Variants in A1CF observed in about 807,000 individuals in gnomAD.
The protein encoded by A1CF is APOBEC1 complementation factor.
Under a neutral mutation model 68.9 loss-of-function variants are expected in A1CF, and 48 were observed. That is an observed-to-expected ratio of 0.70 (90% CI 0.55 to 0.89). A1CF has a LOEUF of 0.89. Among genes scored for constraint, A1CF ranks in the 40% least tolerant of loss-of-function variants. A1CF has a pLI of 0.00. For missense variants in A1CF, 653 were observed against 718.9 expected (o/e 0.91, Z 1.05); for synonymous variants, 272 against 260.4 (o/e 1.04, Z -0.43).
In A1CF at chr10:50,841,837, T is replaced by G. The variant is rs201525424; in HGVS notation, c.365+25A>C. 1.9e-5 allele frequency: 30 copies of G among 1,610,704 alleles called. No homozygotes were observed. The African/African-American group carries it at 3.7e-4, about 20-fold the overall frequency. ...CACAGGTGCATTGTTTGTTTCACTT[T>G]TAATCTAGAAGAGGCGGAGCTTACC... On this transcript the variant is annotated intron_variant, in intron 5 of 12. Coordinates refer to ENST00000373997, the MANE Select transcript of A1CF (RefSeq NM_014576.4).
intron 1 of A1CF, among the ~76,000 whole-genome samples, chr10:50,883,924 A>G (rs1171416633): frequency 6.6e-6 from 1 of 152,212 alleles, no homozygotes; most frequent in Non-Finnish European, 1.5e-5. Context: ...ATAAACTGTT[A>G]TAATAGTATC....
chr10:50,880,799 C>G (rs1841733879), intron 1 of A1CF, among the ~76,000 whole-genome samples: 1 of 152,190 alleles, frequency 6.6e-6, no homozygotes, highest in African/African-American at 2.4e-5. Context: ...TTTTGCCAGT[C>G]CCCTGCCAGG....
In A1CF at chr10:50,844,059, C is replaced by T; in HGVS notation, c.163G>A (p.Gly55Ser). The change falls in exon 4 of 13, where the codon GGC becomes AGC. Residue 55 changes from glycine to serine, a missense_variant. Coordinates refer to ENST00000373997, the MANE Select transcript of A1CF (RefSeq NM_014576.4). ...PGWDAAPPER[G>S]CEIFIGKLPR... ...AGTTTTCCAATAAAAATTTCACAGC[C>T]CCTTTCAGGGGGTGCAGCATCCCAA... is the stretch of plus-strand genomic sequence containing the variant. 1 of 1,613,822 alleles carries T rather than the reference C, an allele frequency of 6.2e-7. No homozygotes were observed. Among genetic ancestry groups the T allele is most frequent in the Non-Finnish European group, 8.5e-7 (1 of 1,179,850 alleles).
Position 50,832,606 on chromosome 10 carries a change from T to G in A1CF, c.604+3468A>C, listed in dbSNP as rs541679764. Among the ~76,000 whole-genome samples the G allele has an allele frequency of 2.0e-5, 3 of 152,300 alleles. No homozygotes were observed. In the East Asian group the frequency reaches 5.8e-4, roughly 29 times the overall value. On this transcript the variant is annotated intron_variant, in intron 6 of 12. Coordinates refer to ENST00000373997, the MANE Select transcript of A1CF (RefSeq NM_014576.4). The stretch of plus-strand genomic sequence containing the variant: ...GTGAAAGTGAGTGTTACAGAGTGAT[T>G]TGAGAGCATGAGCTAGAAGTAAGAC...
At chr10:50,849,854 C>T (rs920849965) in intron 3 of A1CF, among the ~76,000 whole-genome samples, 54 of 122,074 alleles carry the variant, frequency 4.4e-4, no homozygotes, top group African/African-American at 1.4e-3. Context: ...AGTGCAGTGG[C>T]GCAATCTCAG....
chr10:50,856,171 G>A (rs557741512), intron 3 of A1CF, among the ~76,000 whole-genome samples: 8 of 152,098 alleles, frequency 5.3e-5, no homozygotes, highest in Non-Finnish European at 1.0e-4. Context: ...AAATAGTTGG[G>A]TATTGCGTAC....
chr10:50,805,193 C>G lies in A1CF; in HGVS notation c.*1536G>C, dbSNP rs1191407473. On this transcript the variant is annotated 3_prime_UTR_variant, in exon 13 of 13. Coordinates refer to ENST00000373997, the MANE Select transcript of A1CF (RefSeq NM_014576.4). ...TCACAGAATTCCATTAAGGAGTTGACAAAATTTTCCATGTCTTTGTGTTTA... is the reference window on the plus strand; with the variant it reads ...TCACAGAATTCCATTAAGGAGTTGAGAAAATTTTCCATGTCTTTGTGTTTA... The G allele has an allele frequency of 3.3e-5, 5 of 152,202 alleles. No individual in the cohort carries two copies. In the South Asian group the frequency reaches 1.0e-3, roughly 32 times the overall value. The allele number at this position is 152,202 out of a possible 1,614,324, so 9.4% of individuals were successfully genotyped here.
chr10:50,841,500 C>T lies in A1CF; in HGVS notation c.365+362G>A, dbSNP rs1371332870. On this transcript the variant is annotated intron_variant, in intron 5 of 12. Transcript: ENST00000373997. ...TAGCCACCTTCTCACACAACTTTATCCCATCCCTGGTTTGATTTTTTCATA... is the reference window on the plus strand; with the variant it reads ...TAGCCACCTTCTCACACAACTTTATTCCATCCCTGGTTTGATTTTTTCATA... Among the ~76,000 whole-genome samples the T allele has an allele frequency of 2.6e-5, 4 of 152,162 alleles. No homozygotes were observed. In the East Asian group the frequency reaches 7.7e-4, roughly 29 times the overall value.
In A1CF at chr10:50,831,589, G is replaced by A. The variant is rs187852959; in HGVS notation, c.605-3294C>T. On this transcript the variant is annotated intron_variant, in intron 6 of 12. Coordinates refer to ENST00000373997, the MANE Select transcript of A1CF (RefSeq NM_014576.4). ...ACTAAAAATACAAAGTTAGCCAGGC[G>A]TGGTGGCACATGCCTGTAATCCCAG... Among the ~76,000 whole-genome samples the A allele has an allele frequency of 4.1e-3, 618 of 152,176 alleles. 2 individuals carry two copies. Among genetic ancestry groups the A allele is most frequent in the African/African-American group, 0.012 (514 of 41,540 alleles).
rs1412144060 is a variant in A1CF at position 50,803,142 on chromosome 10, G to T, written c.*3587C>A. ...CTTGCTCTGTCACCCAGGCTGGAGT[G>T]CAGCGATGTGAACATGGCTCACTGC... is the stretch of plus-strand genomic sequence containing the variant. On this transcript the variant is annotated 3_prime_UTR_variant, in exon 13 of 13. Transcript: ENST00000373997. 1 of 152,282 alleles carries T rather than the reference G, an allele frequency of 6.6e-6. No individual in the cohort carries two copies. Among genetic ancestry groups the T allele is most frequent in the Admixed American group, 6.5e-5 (1 of 15,284 alleles). 9.4% of individuals were successfully genotyped at this position (152,282 alleles called of 1,614,324 possible).
intron 10 of A1CF, among the ~76,000 whole-genome samples, chr10:50,812,811 A>G (rs1412375278): frequency 6.6e-6 from 1 of 152,244 alleles, no homozygotes; most frequent in Non-Finnish European, 1.5e-5. Flanking sequence ...TACATGGTGC[A>G]TAAGAGAAGT....
At chr10:50,839,307 G>A (rs1003784381) in intron 5 of A1CF, among the ~76,000 whole-genome samples, 21 of 152,096 alleles carry the variant, frequency 1.4e-4, no homozygotes, top group African/African-American at 4.1e-4. Flanking sequence ...CTCAAATACC[G>A]TTTTGGGAAT....
chr10:50,871,767 G>A (rs1449386279), intron 1 of A1CF, among the ~76,000 whole-genome samples: 1 of 152,064 alleles, frequency 6.6e-6, no homozygotes. Context: ...TAACATGCCA[G>A]CATTCTAAAT....
intron 3 of A1CF, among the ~76,000 whole-genome samples, chr10:50,853,811 A>G (rs1313783290): frequency 6.9e-6 from 1 of 145,124 alleles, no homozygotes; most frequent in Non-Finnish European, 1.5e-5. Flanking sequence ...TTTAAAAAAA[A>G]TGCTTAAAAT....
intron 5 of A1CF, among the ~76,000 whole-genome samples, chr10:50,836,889 A>G (rs1339088804): frequency 1.3e-5 from 2 of 151,762 alleles, no homozygotes; most frequent in Non-Finnish European, 2.9e-5. Context: ...TCATGGCTGC[A>G]TAGCATCTGC....
intron 1 of A1CF, among the ~76,000 whole-genome samples, chr10:50,879,586 C>T (rs79245743): frequency 0.013 from 1,968 of 152,248 alleles, 36 homozygotes; most frequent in Middle Eastern, 0.02. Flanking sequence ...CTTAGGCCTT[C>T]TTATGTGACA....
chr10:50,846,904 T>C (rs1352831579), intron 3 of A1CF, among the ~76,000 whole-genome samples: 1 of 152,222 alleles, frequency 6.6e-6, no homozygotes, highest in East Asian at 1.9e-4. Flanking sequence ...AGATTTGCTC[T>C]GTGAGCCACC....
chr10:50,824,281 A>G (rs1285030326), intron 7 of A1CF: 3 of 152,160 alleles, frequency 2.0e-5, no homozygotes, highest in South Asian at 2.1e-4. Context: ...ATATATGCCA[A>G]TACGCAGACT....
intron 6 of A1CF, among the ~76,000 whole-genome samples, chr10:50,832,712 T>C (rs1839308089): frequency 6.6e-6 from 1 of 152,170 alleles, no homozygotes; most frequent in Non-Finnish European, 1.5e-5. Context: ...AACCTACTAT[T>C]GTTGTGAGGT....
Sources: allele counts gnomAD v4.1 joint callset (sites outside exome capture counted in the v4.1 genomes callset), GRCh38; gene constraint gnomAD v4.1.1; transcripts MANE v1.5; gene names NCBI Gene and HGNC (gene_info 2026-07-23, HGNC 2026-07-21).